The following MTMR2 variants were observed in gnomAD, a reference collection of about 807,000 sequenced individuals.
The protein encoded by MTMR2 is myotubularin related protein 2.
In MTMR2, 55 loss-of-function variants were observed where a neutral mutation model predicts 86.9. The ratio of observed to expected loss-of-function variants is 0.63; its 90% CI spans 0.51 to 0.79. The LOEUF is 0.79. Ranked by LOEUF, MTMR2 falls within the 30% of genes least tolerant of loss-of-function variation. The pLI is 0.00. For synonymous variants in MTMR2, 241 were observed against 266.8 expected (o/e 0.90, Z 0.94); for missense variants, 659 against 772.3 (o/e 0.85, Z 1.74).
At chr11:95,892,353 G>GGT (rs1033127360) in intron 1 of MTMR2, among the ~76,000 whole-genome samples, 3 of 152,070 alleles carry the variant, frequency 2.0e-5, no homozygotes, top group Non-Finnish European at 4.4e-5. Flanking sequence ...GTTCCAAGAA[G>GGT]GTCTTCCAGT....
intron 1 of MTMR2, among the ~76,000 whole-genome samples, chr11:95,894,762 C>G (rs796767671): frequency 1.3e-5 from 2 of 152,016 alleles, no homozygotes; most frequent in African/African-American, 2.4e-5. Flanking sequence ...TACTTTTCTT[C>G]TACATAAAGA....
At chr11:95,917,316 T>G (rs778772461) in intron 1 of MTMR2, among the ~76,000 whole-genome samples, 57 of 152,198 alleles carry the variant, frequency 3.7e-4, no homozygotes, top group African/African-American at 1.1e-3. Flanking sequence ...CACGCAATCT[T>G]TGGCTCTGAT....
At chr11:95,905,802 T>A (rs922065318) in intron 1 of MTMR2, among the ~76,000 whole-genome samples, 4 of 151,768 alleles carry the variant, frequency 2.6e-5, no homozygotes, top group African/African-American at 9.7e-5. Context: ...GCAATAAAAA[T>A]AGTAGGCCAG....
At chr11:95,918,165 T>A (rs535126577) in intron 1 of MTMR2, among the ~76,000 whole-genome samples, 4 of 152,252 alleles carry the variant, frequency 2.6e-5, no homozygotes, top group Non-Finnish European at 4.4e-5. Context: ...TAATGTTGAT[T>A]GCATTACAAA....
At chr11:95,865,805 T>C (rs1864594050) in intron 2 of MTMR2, 129 bp from the exon 3 acceptor site, 1 of 773,594 alleles carries the variant, frequency 1.3e-6, no homozygotes, top group African/African-American at 1.7e-5. Flanking sequence ...TAAATCAAAT[T>C]TGTTAAACTG....
At chr11:95,914,809 G>C (rs1245223736) in intron 1 of MTMR2, among the ~76,000 whole-genome samples, 1 of 152,082 alleles carries the variant, frequency 6.6e-6, no homozygotes, top group Non-Finnish European at 1.5e-5. Context: ...GTTCTTTAGA[G>C]CACACAGACC....
intron 1 of MTMR2, among the ~76,000 whole-genome samples, chr11:95,901,691 T>C (rs958649769): frequency 2.6e-5 from 4 of 152,188 alleles, no homozygotes; most frequent in African/African-American, 9.7e-5. Context: ...CTCAAAGTGC[T>C]TATTATCTAA....
At chr11:95,870,375 TA>T (rs1482263134) in intron 2 of MTMR2, among the ~76,000 whole-genome samples, 1 of 151,874 alleles carries the variant, frequency 6.6e-6, no homozygotes, top group African/African-American at 2.4e-5. Context: ...AGGCCTTTGA[TA>T]GGGGCAGATG....
chr11:95,904,952 C>T (rs886565890), intron 1 of MTMR2, among the ~76,000 whole-genome samples: 1 of 152,136 alleles, frequency 6.6e-6, no homozygotes, highest in Non-Finnish European at 1.5e-5. Context: ...ACCACACCAA[C>T]AAAAATGCTT....
In MTMR2 at chr11:95,924,090, C is replaced by A. The variant is rs1157242574; in HGVS notation, c.-136G>T. ...GCCCGGGAGGGAGACCGGAAGCGGC[C>A]ATGTTCCCCCAGAGTGCACCGCGCC... On this transcript the variant is annotated 5_prime_UTR_variant, in exon 1 of 15. The change abolishes an upstream ATG in the 5' untranslated region. Transcript: ENST00000346299. The A allele has an allele frequency of 6.1e-6, 7 of 1,153,836 alleles. No homozygotes were observed. The highest frequency in any genetic ancestry group is 8.8e-6 in the Non-Finnish European group (7 of 793,918). The allele number at this position is 1,153,836 out of a possible 1,614,324, so 71.5% of individuals were successfully genotyped here. A position where few individuals can be genotyped will look rare whatever the true frequency, so the allele number is the denominator to read the frequency against.
chr11:95,916,984 T>C (rs560942959), intron 1 of MTMR2, among the ~76,000 whole-genome samples: 1 of 151,332 alleles, frequency 6.6e-6, no homozygotes, highest in Non-Finnish European at 1.5e-5. Flanking sequence ...ATAATAAAGC[T>C]ACAGGAAAGG....
chr11:95,879,569 C>A (rs1165578379), intron 2 of MTMR2, among the ~76,000 whole-genome samples: 1 of 152,146 alleles, frequency 6.6e-6, no homozygotes, highest in Admixed American at 6.5e-5. Flanking sequence ...TTCCATTTGA[C>A]CTGCTCTTGA....
chr11:95,849,048 C>T (rs576043466), intron 9 of MTMR2, among the ~76,000 whole-genome samples: 22 of 152,204 alleles, frequency 1.4e-4, no homozygotes, highest in Admixed American at 5.2e-4. Context: ...CTGAAATGTA[C>T]ACTTGAAAAG....
intron 2 of MTMR2, among the ~76,000 whole-genome samples, chr11:95,877,283 T>C (rs1043578697): frequency 1.6e-4 from 24 of 150,572 alleles, no homozygotes; most frequent in Non-Finnish European, 2.5e-4. Context: ...GGATAGATCT[T>C]AGTGGTTACA....
rs1464362553 is a variant in MTMR2 at position 95,862,000 on chromosome 11, C to T, written c.460G>A (p.Val154Met). 2.5e-6 allele frequency: 4 copies of T among 1,607,922 alleles called. No homozygotes were observed. Among genetic ancestry groups the T allele is most frequent in the Admixed American group, 3.3e-5 (2 of 60,012 alleles). The change falls in exon 5 of 15, where the codon GTG becomes ATG. Residue 154 changes from valine to methionine, a missense_variant. Physicochemically the swap from Val to Met is conservative, Grantham distance 21. Transcript: ENST00000346299. ...CATATTATAACATTTACCTTACACA[C>T]AGTTTCTAGTCCATAAGAATTTTCA... is the stretch of plus-strand genomic sequence containing the variant. ...RGENSYGLET[V>M]CKDIRNLRFA...
At chr11:95,877,825 C>A (rs1207704985) in intron 2 of MTMR2, among the ~76,000 whole-genome samples, 1 of 151,962 alleles carries the variant, frequency 6.6e-6, no homozygotes, top group Non-Finnish European at 1.5e-5. Flanking sequence ...TCCCTCAAAG[C>A]TCTCTTGGTT....
Position 95,836,246 on chromosome 11 carries a change from T to A in MTMR2, c.1672A>T (p.Ser558Cys). 1 of 1,612,950 alleles carries A rather than the reference T, an allele frequency of 6.2e-7. No individual in the cohort carries two copies. Among genetic ancestry groups the A allele is most frequent in the Non-Finnish European group, 8.5e-7 (1 of 1,179,164 alleles). ...LEDFTNPLYG[S>C]YSNHVLYPVA... ...GGATAAAGGACATGATTGGAATAGC[T>A]CCCATAGAGAGGATTAGTGAAGTCT... The change falls in exon 14 of 15, where the codon AGC becomes TGC. Residue 558 changes from serine (S) to cysteine (C), a missense_variant. Physicochemically the swap from Ser to Cys is moderately radical, Grantham distance 112. This residue lies in a region of MTMR2 where 193 missense variants were observed against 191.6 expected (regional missense o/e 1.01). Coordinates refer to ENST00000346299, the MANE Select transcript of MTMR2 (RefSeq NM_016156.6).
In MTMR2 at chr11:95,844,952, C is replaced by G. The variant is rs1233157642; in HGVS notation, c.1386+1G>C. 6.3e-7 allele frequency: 1 copy of G among 1,587,240 alleles called. No individual in the cohort carries two copies. Among genetic ancestry groups the G allele is most frequent in the South Asian group, 1.1e-5 (1 of 90,948 alleles). On this transcript the variant is annotated splice_donor_variant, in intron 11 of 14. Coordinates refer to ENST00000346299, the MANE Select transcript of MTMR2 (RefSeq NM_016156.6). LOFTEE classifies it high-confidence loss of function. ...ATCCAAAGTCAAGGTTCCTTACTTA[C>G]TAGTTGAAATCGATGTCCAAAACTT...
intron 2 of MTMR2, among the ~76,000 whole-genome samples, chr11:95,880,097 A>AT (rs1281414808): frequency 6.6e-6 from 1 of 151,766 alleles, no homozygotes; most frequent in Non-Finnish European, 1.5e-5. Flanking sequence ...TTATATATAA[A>AT]TTTTGCCTTT....
Sources: gnomAD v4.1 joint callset for allele counts (sites outside exome capture counted in the v4.1 genomes callset) on GRCh38, gnomAD v4.1.1 for gene constraint, gnomAD v4.1.1 regional missense constraint, MANE v1.5 for transcripts, NCBI Gene and HGNC (gene_info 2026-07-23, HGNC 2026-07-21) for gene names.